Variants in VPS13B observed in about 807,000 individuals in gnomAD.
The protein encoded by VPS13B is vacuolar protein sorting 13 homolog B.
In VPS13B, 285 loss-of-function variants were observed where a neutral mutation model predicts 426.4. The observed-to-expected ratio is 0.67, with a 90% confidence interval of 0.61 to 0.74. VPS13B has a LOEUF of 0.74. Ranked by LOEUF, VPS13B falls within the 30% of genes least tolerant of loss-of-function variation. The pLI is 0.00. For synonymous variants in VPS13B, 1,676 were observed against 1,676.4 expected (o/e 1.00, Z 0.01); for missense variants, 4,537 against 4,782.6 (o/e 0.95, Z 1.51).
intron 17 of VPS13B, among the ~76,000 whole-genome samples, chr8:99,239,884 A>G (rs1188567863): frequency 6.6e-6 from 1 of 152,170 alleles, no homozygotes; most frequent in African/African-American, 2.4e-5. Context: ...CTCCTCATTT[A>G]CTTTATTTCC....
In VPS13B at chr8:99,593,226, C is replaced by A. The variant is rs192274394; in HGVS notation, c.5220+15593C>A. 3.8e-4 allele frequency among the ~76,000 whole-genome samples: 57 copies of A among 151,758 alleles called. No individual in the cohort carries two copies. In the East Asian group the frequency reaches 0.01, roughly 28 times the overall value. ...TTAACCAAATTTACAAGAAAAAAAA[C>A]AACCCCATTAAAAAGTGGGCCAAAG... On this transcript the variant is annotated intron_variant, in intron 33 of 61. Transcript: ENST00000357162.
At chr8:99,816,131 T>C (rs1814023490) in intron 44 of VPS13B, among the ~76,000 whole-genome samples, 1 of 151,668 alleles carries the variant, frequency 6.6e-6, no homozygotes. Context: ...AGACGGAGTT[T>C]TACTCTTGTT....
chr8:99,493,831 A>ATGAAATGG (rs1328968575), intron 25 of VPS13B, among the ~76,000 whole-genome samples: 1 of 151,470 alleles, frequency 6.6e-6, no homozygotes, highest in African/African-American at 2.4e-5. Context: ...AAGAAAGAGA[A>ATGAAATGG]TGAAATGGTA....
At position 99,264,408 on chromosome 8, in the gene VPS13B, T is replaced by C. The variant is rs551168350; in HGVS notation, c.2516-9790T>C. On this transcript the variant is annotated intron_variant, in intron 17 of 61. Transcript: ENST00000357162. ...GTGGAGCAAAATCCTCTAGTTACCT[T>C]CCTAGTGTAGGAAGTAAACTTTTTT... is the stretch of plus-strand genomic sequence containing the variant. Among the ~76,000 whole-genome samples, 13 of 152,246 alleles carry C rather than the reference T, an allele frequency of 8.5e-5. No individual in the cohort carries two copies. In the South Asian group the frequency reaches 2.5e-3, roughly 29 times the overall value.
At chr8:99,106,619 G>A (rs1278557698) in intron 5 of VPS13B, among the ~76,000 whole-genome samples, 1 of 152,002 alleles carries the variant, frequency 6.6e-6, no homozygotes, top group Non-Finnish European at 1.5e-5. Flanking sequence ...TTTCCCCAAA[G>A]CAACCACTTT....
chr8:99,057,714 A>G (rs968893834), intron 3 of VPS13B, among the ~76,000 whole-genome samples: 1 of 152,150 alleles, frequency 6.6e-6, no homozygotes, highest in African/African-American at 2.4e-5. Flanking sequence ...TTAAACCTCA[A>G]ATCCTTTCCT....
In VPS13B at chr8:99,075,317, C is replaced by T. The variant is rs1181439885; in HGVS notation, c.292-20995C>T. On this transcript the variant is annotated intron_variant, in intron 3 of 61. Coordinates refer to ENST00000357162, the MANE Select transcript of VPS13B (RefSeq NM_152564.5). Reference sequence around the variant, plus strand: ...CTGGGGAGGTCTCAGGGAGCTTTTACTCATAGCAGAAGGTGAAGCAGGAAC... The same window carrying T: ...CTGGGGAGGTCTCAGGGAGCTTTTATTCATAGCAGAAGGTGAAGCAGGAAC... 2.0e-5 allele frequency among the ~76,000 whole-genome samples: 3 copies of T among 152,138 alleles called. No individual in the cohort carries two copies. The East Asian group carries it at 5.8e-4, about 29-fold the overall frequency.
chr8:99,016,736 G>A (rs1003822676), intron 2 of VPS13B, among the ~76,000 whole-genome samples: 8 of 151,352 alleles, frequency 5.3e-5, no homozygotes, highest in Non-Finnish European at 8.8e-5. Flanking sequence ...GACTGCAGGC[G>A]CCCGCCACCA....
Position 99,352,372 on chromosome 8 carries a change from C to G in VPS13B, c.2825-31836C>G, listed in dbSNP as rs142024144. Among the ~76,000 whole-genome samples the G allele has an allele frequency of 2.6e-5, 4 of 152,234 alleles. No homozygotes were observed. The East Asian group carries it at 7.7e-4, about 29-fold the overall frequency. ...AGAGTTCCATCACTTTGTTCCTAGTCTGTTTTTTTCTGCAGCCATCTTACA... is the reference window on the plus strand; with the variant it reads ...AGAGTTCCATCACTTTGTTCCTAGTGTGTTTTTTTCTGCAGCCATCTTACA... On this transcript the variant is annotated intron_variant, in intron 19 of 61. Transcript: ENST00000357162.
In VPS13B at chr8:99,323,684, A is replaced by C. The variant is rs140295254; in HGVS notation, c.2824+48430A>C. ...CTTAGATAGGCTATTATCTAAGCAC[A>C]ATTAAAACTTAGATAGGCTACCAAG... On this transcript the variant is annotated intron_variant, in intron 19 of 61. Transcript: ENST00000357162. Among the ~76,000 whole-genome samples, 1,209 of 152,310 alleles carry C rather than the reference A, an allele frequency of 7.9e-3. 20 individuals are homozygous for C. The highest frequency in any genetic ancestry group is 0.028 in the African/African-American group (1,150 of 41,558).
intron 2 of VPS13B, among the ~76,000 whole-genome samples, 175 bp downstream of exon 2, chr8:99,014,110 CTTTTTTTTTTTT>C (rs1211028912): frequency 8.3e-5 from 6 of 72,308 alleles, no homozygotes; most frequent in East Asian, 1.0e-3. Context: ...TTCTTTCTTT[CTTTTTTTTTTTT>C]TTTTTTTTTT....
intron 15 of VPS13B, among the ~76,000 whole-genome samples, chr8:99,162,817 C>G (rs888847801): frequency 6.6e-6 from 1 of 152,122 alleles, no homozygotes; most frequent in African/African-American, 2.4e-5. Context: ...GGAAGGGAAC[C>G]CGAGCGGGTT....
At chr8:99,749,867 A>G (rs1379756492) in intron 39 of VPS13B, among the ~76,000 whole-genome samples, 2 of 152,092 alleles carry the variant, frequency 1.3e-5, no homozygotes, top group African/African-American at 4.8e-5. Flanking sequence ...GACAGTGTAC[A>G]TGGGTTCCCT....
In VPS13B at chr8:99,607,112, A is replaced by T. The variant is rs1374272675; in HGVS notation, c.5220+29479A>T. 2.0e-5 allele frequency among the ~76,000 whole-genome samples: 3 copies of T among 152,254 alleles called. No homozygotes were observed. The East Asian group carries it at 5.8e-4, about 29-fold the overall frequency. Reference sequence around the variant, plus strand: ...GTAAAAAACACAGTATCTGTGAAGCACAATAAAGCCAAATGCAATAAAAAG... The same window carrying T: ...GTAAAAAACACAGTATCTGTGAAGCTCAATAAAGCCAAATGCAATAAAAAG... On this transcript the variant is annotated intron_variant, in intron 33 of 61. Transcript: ENST00000357162.
chr8:99,726,296 A>T (rs1169643959), intron 39 of VPS13B, among the ~76,000 whole-genome samples: 1 of 152,226 alleles, frequency 6.6e-6, no homozygotes, highest in Non-Finnish European at 1.5e-5. Context: ...AGATCTCAAT[A>T]AAATTAGCAT....
At chr8:99,689,111 A>G (rs1477973898) in intron 35 of VPS13B, among the ~76,000 whole-genome samples, 1 of 152,058 alleles carries the variant, frequency 6.6e-6, no homozygotes, top group Non-Finnish European at 1.5e-5. Context: ...AGAGGGGAAC[A>G]AGAACAATTG....
intron 19 of VPS13B, among the ~76,000 whole-genome samples, chr8:99,342,845 A>G (rs1252994127): frequency 1.5e-4 from 10 of 65,894 alleles, no homozygotes; most frequent in Non-Finnish European, 3.7e-4. Flanking sequence ...TGGCTGTATT[A>G]ATTTACATCT....
chr8:99,594,426 TATA>T (rs1826885365), intron 33 of VPS13B, among the ~76,000 whole-genome samples: 1 of 151,994 alleles, frequency 6.6e-6, no homozygotes, highest in Admixed American at 6.6e-5. Flanking sequence ...GTGATTGTTA[TATA>T]ATAAGAACTC....
intron 44 of VPS13B, among the ~76,000 whole-genome samples, chr8:99,812,811 T>A (rs1813788900): frequency 6.6e-6 from 1 of 152,194 alleles, no homozygotes; most frequent in Admixed American, 6.5e-5. Context: ...GTGCATCTGG[T>A]GCTCTGGAGT....
Sources: allele counts gnomAD v4.1 joint callset (sites outside exome capture counted in the v4.1 genomes callset), GRCh38; gene constraint gnomAD v4.1.1; transcripts MANE v1.5; gene names NCBI Gene and HGNC (gene_info 2026-07-23, HGNC 2026-07-21).